DOCK9: variants seen among roughly 807,000 people sequenced by gnomAD.
DOCK9 encodes the protein dedicator of cytokinesis 9.
In DOCK9, 89 loss-of-function variants were observed where a neutral mutation model predicts 263.3. The observed-to-expected ratio is 0.34, with a 90% confidence interval of 0.28 to 0.40. The LOEUF is 0.40. Among genes scored for constraint, DOCK9 ranks in the 10% least tolerant of loss-of-function variants. DOCK9 has a pLI of 1.00. For synonymous variants in DOCK9, 976 were observed against 973.1 expected, an observed-to-expected ratio of 1.00 and a Z score of -0.06; for missense variants, 2,140 against 2,603.4, an observed-to-expected ratio of 0.82 and a Z score of 3.87.
At position 98,879,856 on chromosome 13, in the gene DOCK9, C is replaced by A. The variant is rs753631723; in HGVS notation, c.2943+42G>T. 2.0e-6 allele frequency: 3 copies of A among 1,527,278 alleles called. No homozygotes were observed. In the South Asian group the frequency reaches 3.6e-5, roughly 18 times the overall value. The allele number at this position is 1,527,278 out of a possible 1,614,324, so 94.6% of individuals were successfully genotyped here. A position where few individuals can be genotyped will look rare whatever the true frequency, so the allele number is the denominator to read the frequency against. On this transcript the variant is annotated intron_variant, in intron 27 of 52. Transcript: ENST00000682017. The stretch of plus-strand genomic sequence containing the variant: ...CACTACAAAGCAATGAAAGAGATTT[C>A]TTTTCCCCTAAGAACACAAGCTTCC...
chr13:99,033,047 T>C (rs1595948405), intron 1 of DOCK9, among the ~76,000 whole-genome samples: 1 of 152,218 alleles, frequency 6.6e-6, no homozygotes, highest in Admixed American at 6.5e-5. Flanking sequence ...TAGTTCCTTG[T>C]TATGAAACCT....
intron 15 of DOCK9, among the ~76,000 whole-genome samples, chr13:98,895,100 G>A (rs1287858161): frequency 6.8e-6 from 1 of 147,900 alleles, no homozygotes; most frequent in Non-Finnish European, 1.5e-5. Context: ...GAGCTGAGAT[G>A]GTGCCACTGC....
intron 2 of DOCK9, among the ~76,000 whole-genome samples, chr13:98,939,977 A>G (rs1290429962): frequency 6.6e-6 from 1 of 152,258 alleles, no homozygotes; most frequent in Non-Finnish European, 1.5e-5. Context: ...TATCGAGTGC[A>G]GTATTAAACA....
In DOCK9 at chr13:98,942,235, GT is replaced by G. The variant is rs61340557; in HGVS notation, c.244-11979del. Among the ~76,000 whole-genome samples, 659 of 99,364 alleles carry G rather than the reference GT, an allele frequency of 6.6e-3. 16 individuals are homozygous for G. Among genetic ancestry groups the G allele is most frequent in the South Asian group, 0.05 (169 of 3,370 alleles). 65.2% of individuals were successfully genotyped at this position (99,364 alleles called of 152,430 possible). A position where few individuals can be genotyped will look rare whatever the true frequency, so the allele number is the denominator to read the frequency against. ...CTCTGGTTATGTTTTTTTTTTTGTT[GT>G]TTTTTTTTTTTGTTTTTTTGAGACA... On this transcript the variant is annotated intron_variant, in intron 2 of 52. Transcript: ENST00000682017.
At position 98,929,191 on chromosome 13, in the gene DOCK9, G is replaced by A. The variant is rs977207020; in HGVS notation, c.333+977C>T. Reference sequence around the variant, plus strand: ...ATTCCTTCCTACCTAAAATTACCTGGAGGAAAAAACAAACACTCCAAGGGG... The same window carrying A: ...ATTCCTTCCTACCTAAAATTACCTGAAGGAAAAAACAAACACTCCAAGGGG... On this transcript the variant is annotated intron_variant, in intron 3 of 52. Transcript: ENST00000682017. 5.3e-5 allele frequency among the ~76,000 whole-genome samples: 8 copies of A among 152,162 alleles called. No individual in the cohort carries two copies. In the South Asian group the frequency reaches 8.3e-4, roughly 16 times the overall value.
upstream of DOCK9, among the ~76,000 whole-genome samples, chr13:98,981,122 T>A (rs1877100309): frequency 6.6e-6 from 1 of 151,358 alleles, no homozygotes; most frequent in Non-Finnish European, 1.5e-5. Flanking sequence ...AGTGGTGCAA[T>A]CTCAGCTTAC....
intron 1 of DOCK9, among the ~76,000 whole-genome samples, chr13:99,064,379 A>AAGAG (rs1471854315): frequency 6.6e-6 from 1 of 152,208 alleles, no homozygotes. Flanking sequence ...TTTCAAAGAG[A>AAGAG]AGAGAGAGAT....
chr13:98,928,021 A>G (rs962149347), intron 3 of DOCK9, among the ~76,000 whole-genome samples: 7 of 25,216 alleles, frequency 2.8e-4, no homozygotes, highest in African/African-American at 6.4e-4. Flanking sequence ...AAAAAAAAAC[A>G]AAAAAAAACT....
Position 98,826,838 on chromosome 13 carries a change from G to A in DOCK9, c.5015C>T (p.Thr1672Ile). 6.2e-7 allele frequency: 1 copy of A among 1,608,984 alleles called. No individual in the cohort carries two copies. The change falls in exon 44 of 53, where the codon ACA becomes ATA. Residue 1672 changes from threonine (T) to isoleucine (I), a missense_variant. Transcript: ENST00000682017. ...TGAGAATAATTCCTTACCTTTCCGT[G>A]TGAGATATTCTGCCACTAGGGCTGT... ...HVTALVAEYL[T>I]RKGVFRQGCT...
chr13:98,978,760 G>A (rs1168598522), upstream of DOCK9, among the ~76,000 whole-genome samples: 3 of 152,054 alleles, frequency 2.0e-5, no homozygotes, highest in Admixed American at 2.0e-4. Context: ...CATCTAGCTG[G>A]GAAGGCAAGA....
At position 98,902,990 on chromosome 13, in the gene DOCK9, T is replaced by G; in HGVS notation, c.1158A>C (p.Glu386Asp). The change falls in exon 11 of 53, where the codon GAA becomes GAC. Residue 386 changes from glutamate to aspartate, a missense_variant. Glu to Asp is a conservative substitution (Grantham distance 45). Transcript: ENST00000682017. ...FNLQCCVAENEEGPTTNVEPF... is the reference protein window; with the variant it reads ...FNLQCCVAENDEGPTTNVEPF... ...AAATTACATTTGTAGTGGGTCCTTC[T>G]TCATTTTCGGCAACACAGCATTGCA... The G allele has an allele frequency of 6.6e-7, 1 of 1,514,820 alleles. No individual in the cohort carries two copies. The highest frequency in any genetic ancestry group is 8.8e-7 in the Non-Finnish European group (1 of 1,136,914). The allele number at this position is 1,514,820 out of a possible 1,614,324, so 93.8% of individuals were successfully genotyped here.
intron 52 of DOCK9, among the ~76,000 whole-genome samples, chr13:98,795,110 C>T (rs1594054671): frequency 6.6e-6 from 1 of 152,324 alleles, no homozygotes; most frequent in East Asian, 1.9e-4. Flanking sequence ...TTTTACAAAG[C>T]TAGTGAATGG....
At position 98,868,390 on chromosome 13, in the gene DOCK9, C is replaced by G; in HGVS notation, c.2944-13G>C. 6.2e-7 allele frequency: 1 copy of G among 1,602,716 alleles called. No individual in the cohort carries two copies. Reference sequence around the variant, plus strand: ...GGTTTCGCAGCAACTAAAAAGAATTCAGAGCAAACATTTATTATTTATTAA... The same window carrying G: ...GGTTTCGCAGCAACTAAAAAGAATTGAGAGCAAACATTTATTATTTATTAA... On this transcript the variant is annotated splice_polypyrimidine_tract_variant and intron_variant, in intron 27 of 52. Transcript: ENST00000682017.
intron 1 of DOCK9, among the ~76,000 whole-genome samples, chr13:98,967,316 T>C (rs2059310366): frequency 6.6e-6 from 1 of 152,248 alleles, no homozygotes; most frequent in African/African-American, 2.4e-5. Flanking sequence ...TAGTTATGTG[T>C]AGTTCACATT....
intron 1 of DOCK9, among the ~76,000 whole-genome samples, chr13:98,970,268 G>T (rs2059604929): frequency 6.6e-6 from 1 of 152,186 alleles, no homozygotes. Context: ...AAAGTACCGG[G>T]ATGACAGGCC....
At chr13:98,917,995 C>T (rs981827454) in intron 7 of DOCK9, among the ~76,000 whole-genome samples, 6 of 152,138 alleles carry the variant, frequency 3.9e-5, no homozygotes, top group African/African-American at 1.4e-4. Context: ...CTCCTTGGTC[C>T]CTGCAGACAT....
At chr13:98,958,228 C>A (rs899307732) in intron 1 of DOCK9, among the ~76,000 whole-genome samples, 6 of 152,214 alleles carry the variant, frequency 3.9e-5, no homozygotes, top group South Asian at 2.1e-4. Context: ...GGCATCCCTG[C>A]GGGCAGCCAT....
intron 45 of DOCK9, chr13:98,820,721 C>T (rs775981102): frequency 8.4e-5 from 34 of 407,120 alleles, no homozygotes; most frequent in Middle Eastern, 7.0e-4. Context: ...AAATCAGGAA[C>T]GCCTTTCTTC....
intron 1 of DOCK9, among the ~76,000 whole-genome samples, chr13:98,974,096 T>C (rs1243948796): frequency 6.6e-6 from 1 of 152,182 alleles, no homozygotes; most frequent in Non-Finnish European, 1.5e-5. Context: ...CCACACCTTT[T>C]TCCTCTAAAC....
Sources: gnomAD v4.1 joint callset for allele counts (sites outside exome capture counted in the v4.1 genomes callset) on GRCh38, gnomAD v4.1.1 for gene constraint, MANE v1.5 for transcripts, NCBI Gene and HGNC (gene_info 2026-07-23, HGNC 2026-07-21) for gene names.